Variants in ARFGEF1 observed in about 807,000 individuals in gnomAD.
ARFGEF1 encodes the protein brefeldin A-inhibited guanine nucleotide-exchange protein 1.
ARFGEF1 carries 42 observed loss-of-function variants against 231.0 expected under a neutral mutation model. That is an observed-to-expected ratio of 0.18 (90% CI 0.14 to 0.24). The LOEUF (loss-of-function observed/expected upper bound fraction) is 0.24. Among genes scored for constraint, ARFGEF1 ranks in the 10% least tolerant of loss-of-function variants. ARFGEF1 has a pLI of 1.00. For missense variants in ARFGEF1, 1,345 were observed against 2,192.0 expected (o/e 0.61, Z 7.72); for synonymous variants, 710 against 732.3 (o/e 0.97, Z 0.49).
intron 5 of ARFGEF1, among the ~76,000 whole-genome samples, chr8:67,185,943 T>A (rs1297707986): frequency 1.3e-5 from 2 of 152,062 alleles, no homozygotes; most frequent in African/African-American, 4.8e-5. Flanking sequence ...AGGACCTAGT[T>A]CTGTAGGTCC....
chr8:67,318,712 C>G (rs989526653), intron 1 of ARFGEF1, among the ~76,000 whole-genome samples: 2 of 152,208 alleles, frequency 1.3e-5, no homozygotes, highest in African/African-American at 4.8e-5. Context: ...TGCAATGGTT[C>G]ACCTGTAATC....
chr8:67,234,984 G>A (rs1225544371), intron 22 of ARFGEF1, among the ~76,000 whole-genome samples: 1 of 151,406 alleles, frequency 6.6e-6, no homozygotes, highest in Non-Finnish European at 1.5e-5. Flanking sequence ...CCAATCATAA[G>A]ATAACTTCCT....
At chr8:67,215,179 T>C (rs971981544) in intron 33 of ARFGEF1, among the ~76,000 whole-genome samples, 3 of 152,168 alleles carry the variant, frequency 2.0e-5, no homozygotes, top group Admixed American at 1.3e-4. Flanking sequence ...TGCCCCAGAA[T>C]AGAGCATACT....
downstream of ARFGEF1, chr8:67,193,461 C>T (rs1218345784): frequency 6.2e-7 from 1 of 1,610,054 alleles, no homozygotes; most frequent in Admixed American, 1.7e-5. Flanking sequence ...TTTCTAACTA[C>T]AGGATAGCAG....
chr8:67,336,274 G>T (rs996670839), intron 1 of ARFGEF1, among the ~76,000 whole-genome samples: 1 of 152,148 alleles, frequency 6.6e-6, no homozygotes, highest in Non-Finnish European at 1.5e-5. Flanking sequence ...CTAGATTCAT[G>T]AAACAATCAG....
At chr8:67,262,892 G>C (rs1454386993) in intron 14 of ARFGEF1, among the ~76,000 whole-genome samples, 1 of 152,098 alleles carries the variant, frequency 6.6e-6, no homozygotes, top group Non-Finnish European at 1.5e-5. Flanking sequence ...TTAATGCACT[G>C]AGAAATCAAA....
chr8:67,280,049 T>C (rs551173799), intron 7 of ARFGEF1, among the ~76,000 whole-genome samples: 18 of 152,140 alleles, frequency 1.2e-4, no homozygotes, highest in African/African-American at 4.3e-4. Flanking sequence ...AAGGAGCATA[T>C]CACTGGATCA....
chr8:67,195,885 TTAAGA>T (rs942452572), downstream of ARFGEF1: 11 of 289,950 alleles, frequency 3.8e-5, no homozygotes, highest in African/African-American at 1.7e-4. Flanking sequence ...CTGCTTGTCA[TTAAGA>T]TAAGGTGAAT....
intron 5 of ARFGEF1, among the ~76,000 whole-genome samples, chr8:67,182,841 T>C (rs746046560): frequency 1.3e-5 from 2 of 152,220 alleles, no homozygotes; most frequent in Admixed American, 6.5e-5. Flanking sequence ...TTTTTTGTTA[T>C]TGAGTTGTGG....
intron 1 of ARFGEF1, among the ~76,000 whole-genome samples, chr8:67,308,296 C>T (rs368531086): frequency 2.6e-5 from 4 of 152,224 alleles, no homozygotes; most frequent in African/African-American, 7.2e-5. Flanking sequence ...TATTATACAG[C>T]GATGGACACC....
At chr8:67,192,075 T>TG (rs1836453502) in intron 5 of ARFGEF1, among the ~76,000 whole-genome samples, 1 of 134,768 alleles carries the variant, frequency 7.4e-6, no homozygotes, top group African/African-American at 2.7e-5. Flanking sequence ...TGTTTTTTTT[T>TG]TTGTTTTTTT....
intron 18 of ARFGEF1, among the ~76,000 whole-genome samples, chr8:67,252,561 C>T (rs925819778): frequency 2.0e-5 from 3 of 152,108 alleles, no homozygotes; most frequent in African/African-American, 4.8e-5. Context: ...TCTGTTTAAA[C>T]TTGAGATTTT....
chr8:67,250,128 A>C (rs1240628581), intron 19 of ARFGEF1, among the ~76,000 whole-genome samples: 1 of 152,208 alleles, frequency 6.6e-6, no homozygotes, highest in Non-Finnish European at 1.5e-5. Flanking sequence ...CAGGTCACAG[A>C]AAGTCTACAG....
At position 67,240,156 on chromosome 8, in the gene ARFGEF1, T is replaced by C; in HGVS notation, c.2979+6A>G. 1 of 1,607,284 alleles carries C rather than the reference T, an allele frequency of 6.2e-7. No individual in the cohort carries two copies. ...AACTGGCTACAAAGACAAAATTCTC[T>C]GTTACCTGAATGCTGAAAATGCATG... is the stretch of plus-strand genomic sequence containing the variant. On this transcript the variant is annotated splice_donor_region_variant and intron_variant, in intron 20 of 38. Transcript: ENST00000262215.
At chr8:67,263,478 TGGAGAATAA>T (rs1486040573) in intron 14 of ARFGEF1, among the ~76,000 whole-genome samples, 23 of 152,330 alleles carry the variant, frequency 1.5e-4, no homozygotes, top group Non-Finnish European at 2.5e-4. Context: ...GTCCTTTACA[TGGAGAATAA>T]GGCCTTCTGT....
chr8:67,204,448 C>T (rs957157152), intron 35 of ARFGEF1, among the ~76,000 whole-genome samples: 9 of 152,286 alleles, frequency 5.9e-5, no homozygotes, highest in Admixed American at 4.6e-4. Flanking sequence ...CTGCTAGCTG[C>T]CTCATCTCCA....
chr8:67,257,900 C>A, intron 16 of ARFGEF1, 84 bp from the exon 17 acceptor site: 1 of 1,275,050 alleles, frequency 7.8e-7, no homozygotes, highest in Non-Finnish European at 1.1e-6. Context: ...TCCCATAGCA[C>A]TTTTATTTCT....
rs189150704 is a variant in ARFGEF1, at chr8:67,324,975, G to A, written c.124+18189C>T. Among the ~76,000 whole-genome samples, 402 of 150,864 alleles carry A rather than the reference G, an allele frequency of 2.7e-3. 2 individuals carry two copies. The highest frequency in any genetic ancestry group is 4.1e-3 in the Non-Finnish European group (275 of 67,846). On this transcript the variant is annotated intron_variant, in intron 1 of 38. Coordinates refer to ENST00000262215, the MANE Select transcript of ARFGEF1 (RefSeq NM_006421.5). ...ATTGCCCAGGCTGGAATGCAACGGC[G>A]CTATCTTGGCTCACTGCAACCTCCG...
chr8:67,237,881 T>C (rs1449378002), intron 22 of ARFGEF1, among the ~76,000 whole-genome samples: 4 of 152,198 alleles, frequency 2.6e-5, no homozygotes, highest in African/African-American at 7.2e-5. Context: ...TTTTTGCTAA[T>C]GTTTTCTTTT....
Sources: gnomAD v4.1 joint callset for allele counts (sites outside exome capture counted in the v4.1 genomes callset) on GRCh38, gnomAD v4.1.1 for gene constraint, MANE v1.5 for transcripts, NCBI Gene and HGNC (gene_info 2026-07-23, HGNC 2026-07-21) for gene names.